The following KCNAB2 variants were observed in gnomAD, a reference collection of about 807,000 sequenced individuals.
KCNAB2 encodes potassium voltage-gated channel subfamily A regulatory beta subunit 2, also known as voltage-gated potassium channel subunit beta-2.
KCNAB2 carries 29 observed loss-of-function variants against 63.6 expected under a neutral mutation model. That is an observed-to-expected ratio of 0.46 (90% CI 0.34 to 0.62). KCNAB2 has a LOEUF of 0.62. Ranked by LOEUF, KCNAB2 falls within the 20% of genes least tolerant of loss-of-function variation. The pLI is 0.01. For missense variants in KCNAB2, 359 were observed against 563.9 expected (o/e 0.64, Z 3.68); for synonymous variants, 222 against 224.2 (o/e 0.99, Z 0.09).
chr1:6,086,101 C>G lies in KCNAB2; in HGVS notation c.425+853C>G, dbSNP rs12754107. ...CAGACCCCTGGACACAGCTTTATCT[C>G]AAGGTGCTGACAAGCCCCGGGGCCC... On this transcript the variant is annotated intron_variant, in intron 6 of 15. Transcript: ENST00000378083. This position sits in a 1 kb window ranked among gnomAD's most constrained non-coding sequence, Gnocchi z 4.2. The G allele has an allele frequency of 0.78, 766,038 of 985,018 alleles. 298,776 individuals carry two copies. The highest frequency in any genetic ancestry group is 0.81 in the African/African-American group (46,579 of 57,278). 61.0% of individuals were successfully genotyped at this position (985,018 alleles called of 1,614,324 possible).
At position 6,070,829 on chromosome 1, in the gene KCNAB2, G is replaced by C. The variant is rs61760787; in HGVS notation, c.219-1926G>C. ...AGCCAGGAAAGTTGTACCAGGATTT[G>C]GGCTCTGGCTTCAGAGCCTCAGCCC... On this transcript the variant is annotated intron_variant, in intron 2 of 15. Coordinates refer to ENST00000378083, the MANE Select transcript of KCNAB2 (RefSeq NM_001199862.2). Among the ~76,000 whole-genome samples, 1,445 of 152,196 alleles carry C rather than the reference G, an allele frequency of 9.5e-3. 29 individuals are homozygous for C. Among genetic ancestry groups the C allele is most frequent in the Non-Finnish European group, 0.012 (785 of 67,992 alleles).
chr1:6,000,478 G>T (rs939447411), intron 1 of KCNAB2, among the ~76,000 whole-genome samples: 1 of 152,158 alleles, frequency 6.6e-6, no homozygotes, highest in African/African-American at 2.4e-5. Flanking sequence ...ACCCTGTGCT[G>T]GGGCACTTCA....
chr1:6,065,400 G>A (rs12145886), intron 2 of KCNAB2, among the ~76,000 whole-genome samples: 2,364 of 152,298 alleles, frequency 0.016, 23 homozygotes, highest in Non-Finnish European at 0.023. Flanking sequence ...CTCCCTGGTC[G>A]CCTCATTGAC....
intron 1 of KCNAB2, among the ~76,000 whole-genome samples, chr1:6,004,552 G>A (rs898197627): frequency 1.3e-5 from 2 of 151,828 alleles, no homozygotes; most frequent in Non-Finnish European, 1.5e-5. Flanking sequence ...GTGGCTGCCC[G>A]TAGTGTTCCT....
chr1:6,042,843 AC>A (rs1157271557), upstream of KCNAB2, among the ~76,000 whole-genome samples: 698 of 29,016 alleles, frequency 0.024, 17 homozygotes, highest in African/African-American at 0.055. Flanking sequence ...CCCACTCCCC[AC>A]CCCCCCCCCC....
Position 6,100,692 on chromosome 1 carries a change from G to C in KCNAB2, c.*2118G>C, listed in dbSNP as rs1665973260. On this transcript the variant is annotated 3_prime_UTR_variant, in exon 16 of 16. Coordinates refer to ENST00000378083, the MANE Select transcript of KCNAB2 (RefSeq NM_001199862.2). ...GGCCAGGCCCCAGTGTCAGGATGCA[G>C]TCAGCCTCTGGCGCAGCTCTTTCCA... The C allele has an allele frequency of 6.6e-6, 1 of 152,342 alleles. No individual in the cohort carries two copies. The highest frequency in any genetic ancestry group is 1.5e-5 in the Non-Finnish European group (1 of 68,110). 9.4% of individuals were successfully genotyped at this position (152,342 alleles called of 1,614,324 possible). A position where few individuals can be genotyped will look rare whatever the true frequency, so the allele number is the denominator to read the frequency against.
intron 1 of KCNAB2, among the ~76,000 whole-genome samples, chr1:6,012,039 G>A (rs979072290): frequency 1.3e-5 from 2 of 151,994 alleles, no homozygotes; most frequent in African/African-American, 4.8e-5. Context: ...GGAGGTGAAA[G>A]TGGAGGTGGT....
chr1:6,097,537 A>C, intron 15 of KCNAB2, 180 bp downstream of exon 15: 1 of 1,050,928 alleles, frequency 9.5e-7, no homozygotes. Context: ...CATGAACACT[A>C]ACTGCACGAA....
intron 2 of KCNAB2, 124 bp from the exon 3 acceptor site, chr1:6,072,631 C>G: frequency 9.3e-7 from 1 of 1,076,034 alleles, no homozygotes; most frequent in South Asian, 1.4e-5. Flanking sequence ...CGGTGCCTTT[C>G]GGAGCCTCCA....
chr1:6,087,174 G>A lies in KCNAB2; in HGVS notation c.426-293G>A, dbSNP rs759367966. ...CAGGCCCCCCTCCCACATCCTGGGCGGAAGGCATCTCCTCCGGACTCCGGT... is the reference window on the plus strand; with the variant it reads ...CAGGCCCCCCTCCCACATCCTGGGCAGAAGGCATCTCCTCCGGACTCCGGT... On this transcript the variant is annotated intron_variant, in intron 6 of 15. Transcript: ENST00000378083. This position sits in a 1 kb window ranked among gnomAD's most constrained non-coding sequence, Gnocchi z 6.4. Among the ~76,000 whole-genome samples the A allele has an allele frequency of 3.3e-5, 5 of 152,096 alleles. No homozygotes were observed. The highest frequency in any genetic ancestry group is 1.9e-4 in the East Asian group (1 of 5,144).
At chr1:6,072,444 G>A (rs1663285771) in intron 2 of KCNAB2, among the ~76,000 whole-genome samples, 1 of 152,220 alleles carries the variant, frequency 6.6e-6, no homozygotes, top group Non-Finnish European at 1.5e-5. Flanking sequence ...GGTGAGACCA[G>A]TCCAGTTTCG....
In KCNAB2 at chr1:6,100,294, C is replaced by A; in HGVS notation, c.*1720C>A. On this transcript the variant is annotated 3_prime_UTR_variant, in exon 16 of 16. Transcript: ENST00000378083. Reference sequence around the variant, plus strand: ...GCCCCTGGCGCCTAGAACCCTTGCCCCTCCTCATAGACCAAGTCCCGGGGG... The same window carrying A: ...GCCCCTGGCGCCTAGAACCCTTGCCACTCCTCATAGACCAAGTCCCGGGGG... 1 of 429,278 alleles carries A rather than the reference C, an allele frequency of 2.3e-6. No homozygotes were observed. The highest frequency in any genetic ancestry group is 4.0e-6 in the Non-Finnish European group (1 of 248,558). The allele number at this position is 429,278 out of a possible 1,614,324, so 26.6% of individuals were successfully genotyped here. A position where few individuals can be genotyped will look rare whatever the true frequency, so the allele number is the denominator to read the frequency against.
At chr1:6,015,117 C>T (rs1658419674) in intron 1 of KCNAB2, among the ~76,000 whole-genome samples, 1 of 148,782 alleles carries the variant, frequency 6.7e-6, no homozygotes, top group African/African-American at 2.5e-5. Flanking sequence ...CCACAACTTC[C>T]ACCTCCCAGG....
rs147711024 is a variant in KCNAB2, at chr1:5,997,690, G to A, written c.-53+4902G>A. Among the ~76,000 whole-genome samples the A allele has an allele frequency of 3.3e-3, 503 of 152,278 alleles. 3 individuals carry two copies. Among genetic ancestry groups the A allele is most frequent in the African/African-American group, 0.012 (486 of 41,560 alleles). On this transcript the variant is annotated intron_variant, in intron 1 of 16. Transcript: ENST00000341524. Reference sequence around the variant, plus strand: ...ACAGAAGACTCTAGAATTCTGCCTCGGAGCCCTGTGATCCCAAACACTCAG... The same window carrying A: ...ACAGAAGACTCTAGAATTCTGCCTCAGAGCCCTGTGATCCCAAACACTCAG...
intron 1 of KCNAB2, among the ~76,000 whole-genome samples, chr1:6,017,457 G>T (rs1009851165): frequency 2.0e-5 from 3 of 150,230 alleles, no homozygotes; most frequent in Non-Finnish European, 4.4e-5. Context: ...GTAGAGATGG[G>T]TTTTCAGTAT....
chr1:6,054,314 A>G (rs888219738), intron 2 of KCNAB2, among the ~76,000 whole-genome samples: 4 of 152,248 alleles, frequency 2.6e-5, no homozygotes, highest in Admixed American at 6.5e-5. Flanking sequence ...CAAAACGCAC[A>G]TACAAAGCAA....
Position 6,087,386 on chromosome 1 carries a change from A to C in KCNAB2, c.426-81A>C, listed in dbSNP as rs1664790842. The C allele has an allele frequency of 2.7e-6, 4 of 1,460,266 alleles. No homozygotes were observed. Among genetic ancestry groups the C allele is most frequent in the Non-Finnish European group, 3.8e-6 (4 of 1,040,294 alleles). The allele number at this position is 1,460,266 out of a possible 1,614,324, so 90.5% of individuals were successfully genotyped here. Reference sequence around the variant, plus strand: ...GGAGGGCTTTCAGGACCTCTGTGTGAGAGATGAGGACGTCGGGGATGAAGG... The same window carrying C: ...GGAGGGCTTTCAGGACCTCTGTGTGCGAGATGAGGACGTCGGGGATGAAGG... On this transcript the variant is annotated intron_variant, in intron 6 of 15. Coordinates refer to ENST00000378083, the MANE Select transcript of KCNAB2 (RefSeq NM_001199862.2). This position sits in a 1 kb window ranked among gnomAD's most constrained non-coding sequence, Gnocchi z 6.4.
intron 4 of KCNAB2, among the ~76,000 whole-genome samples, chr1:6,081,537 G>A (rs188035138): frequency 1.3e-5 from 2 of 152,324 alleles, no homozygotes; most frequent in Admixed American, 1.3e-4. Context: ...AACAGACACC[G>A]TTCTGTCACC....
chr1:6,047,507 G>A (rs1661026404), intron 1 of KCNAB2, among the ~76,000 whole-genome samples: 1 of 152,154 alleles, frequency 6.6e-6, no homozygotes, highest in Non-Finnish European at 1.5e-5. Context: ...CAGAGTCCTG[G>A]CATGGGAGTC....
Sources: allele counts gnomAD v4.1 joint callset (sites outside exome capture counted in the v4.1 genomes callset), GRCh38; gene constraint gnomAD v4.1.1; non-coding constraint Gnocchi (gnomAD v3.1); transcripts MANE v1.5; gene names NCBI Gene and HGNC (gene_info 2026-07-23, HGNC 2026-07-21).